Variants in RAI14 observed in about 807,000 individuals in gnomAD.
The protein encoded by RAI14 is ankycorbin.
Under a neutral mutation model 115.4 loss-of-function variants are expected in RAI14, and 45 were observed. The ratio of observed to expected loss-of-function variants is 0.39; its 90% confidence interval spans 0.31 to 0.50. The LOEUF (loss-of-function observed/expected upper bound fraction) is 0.50, where lower values mean the gene tolerates loss of function less well. Ranked by LOEUF, RAI14 falls within the 20% of genes least tolerant of loss-of-function variation. The pLI is 0.85. For missense variants in RAI14, 939 were observed against 1,131.2 expected (o/e 0.83, Z 2.44); for synonymous variants, 371 against 415.4 (o/e 0.89, Z 1.30).
intron 16 of RAI14, among the ~76,000 whole-genome samples, 171 bp from the exon 17 acceptor site, chr5:34,829,561 C>G (rs1434894997): frequency 1.3e-5 from 2 of 152,110 alleles, no homozygotes; most frequent in African/African-American, 4.8e-5. Flanking sequence ...GACAAGTATT[C>G]AGAAATACAC....
chr5:34,674,785 C>T (rs531259240), intron 1 of RAI14, among the ~76,000 whole-genome samples: 11 of 151,996 alleles, frequency 7.2e-5, no homozygotes, highest in African/African-American at 2.4e-4. Context: ...GACGGGGTTT[C>T]GCCATGTTGA....
intron 2 of RAI14, among the ~76,000 whole-genome samples, chr5:34,721,302 T>G (rs1742703398): frequency 1.1e-5 from 1 of 91,372 alleles, no homozygotes; most frequent in African/African-American, 3.3e-5. Context: ...TATATATATA[T>G]ATATATATAT....
intron 2 of RAI14, chr5:34,687,442 C>A: frequency 1.4e-6 from 1 of 728,606 alleles, no homozygotes; most frequent in Non-Finnish European, 1.9e-6. Context: ...CCTTTCCTCC[C>A]CCCGAATTCC....
intron 13 of RAI14, among the ~76,000 whole-genome samples, chr5:34,820,045 C>A (rs1756663638): frequency 2.0e-5 from 3 of 152,156 alleles, no homozygotes; most frequent in Admixed American, 2.0e-4. Flanking sequence ...GCTCCCAGTT[C>A]CCTAGTTCAT....
intron 3 of RAI14, among the ~76,000 whole-genome samples, chr5:34,759,435 A>G (rs1045546532): frequency 1.4e-4 from 21 of 152,164 alleles, no homozygotes; most frequent in Non-Finnish European, 8.8e-5. Flanking sequence ...GCCACTCCCC[A>G]TTGCTCGCAT....
At chr5:34,709,246 G>C (rs1741103015) in intron 2 of RAI14, among the ~76,000 whole-genome samples, 1 of 151,864 alleles carries the variant, frequency 6.6e-6, no homozygotes, top group South Asian at 2.1e-4. Context: ...CCAGGAGTTT[G>C]AGACCAGTCT....
chr5:34,799,493 G>A (rs13162585), intron 4 of RAI14, among the ~76,000 whole-genome samples: 1 of 124,044 alleles, frequency 8.1e-6, no homozygotes, highest in Admixed American at 9.1e-5. Flanking sequence ...CACACACACA[G>A]ACACACACAC....
intron 16 of RAI14, among the ~76,000 whole-genome samples, chr5:34,826,861 A>G (rs778519077): frequency 6.6e-6 from 1 of 152,126 alleles, no homozygotes; most frequent in Non-Finnish European, 1.5e-5. Flanking sequence ...TTGCATCTCT[A>G]TATATCTGAA....
chr5:34,749,555 C>T (rs1406913373), intron 2 of RAI14, among the ~76,000 whole-genome samples: 2 of 152,192 alleles, frequency 1.3e-5, no homozygotes, highest in Non-Finnish European at 1.5e-5. Flanking sequence ...ATGATGTTTG[C>T]TATTCTAGAT....
intron 1 of RAI14, among the ~76,000 whole-genome samples, chr5:34,679,499 C>G (rs112207369): frequency 1.2e-4 from 19 of 152,038 alleles, no homozygotes; most frequent in African/African-American, 4.6e-4. Context: ...AACACAGCAG[C>G]CCTGTTGATT....
At chr5:34,717,613 A>T (rs1274350037) in intron 2 of RAI14, among the ~76,000 whole-genome samples, 1 of 152,126 alleles carries the variant, frequency 6.6e-6, no homozygotes, top group Non-Finnish European at 1.5e-5. Context: ...CTCCTTAAGG[A>T]TGTGAATTCT....
intron 2 of RAI14, among the ~76,000 whole-genome samples, chr5:34,731,791 G>A (rs1744217649): frequency 6.6e-6 from 1 of 152,264 alleles, no homozygotes; most frequent in Non-Finnish European, 1.5e-5. Context: ...GAGGACAGTT[G>A]AAAACACTGT....
At chr5:34,744,102 A>G (rs562863951) in intron 2 of RAI14, among the ~76,000 whole-genome samples, 3 of 152,246 alleles carry the variant, frequency 2.0e-5, no homozygotes, top group South Asian at 2.1e-4. Context: ...GTGGCTGCTT[A>G]TGATGCTCAG....
chr5:34,805,642 C>A (rs1754794036), intron 5 of RAI14, among the ~76,000 whole-genome samples: 1 of 152,226 alleles, frequency 6.6e-6, no homozygotes, highest in African/African-American at 2.4e-5. Flanking sequence ...GAGTTCGTGA[C>A]CAGCCTGGCC....
rs57115550 is a variant in RAI14, at chr5:34,799,685, A to ATTTTTTTTTTTTTT, written c.256+3667_256+3680dup. Among the ~76,000 whole-genome samples the ATTTTTTTTTTTTTT allele has an allele frequency of 3.3e-4, 34 of 103,414 alleles. 1 individual carries two copies. The highest frequency in any genetic ancestry group is 1.3e-3 in the African/African-American group (33 of 25,346). 67.8% of individuals were successfully genotyped at this position (103,414 alleles called of 152,430 possible). A position where few individuals can be genotyped will look rare whatever the true frequency, so the allele number is the denominator to read the frequency against. On this transcript the variant is annotated intron_variant, in intron 4 of 17. Transcript: ENST00000265109. ...GTTATAGAAGCAAGAATCTGTTAGCATTTTTTTTTTTTTTTTTTTTTTGAC... is the reference window on the plus strand; with the variant it reads ...GTTATAGAAGCAAGAATCTGTTAGCATTTTTTTTTTTTTTTTTTTTTTTTTTTTTTTTTTTTGAC...
chr5:34,714,224 A>T (rs1373804051), intron 2 of RAI14, among the ~76,000 whole-genome samples: 1 of 151,904 alleles, frequency 6.6e-6, no homozygotes, highest in African/African-American at 2.4e-5. Context: ...CATATTTCTA[A>T]TTTTTTTCTG....
At chr5:34,826,626 A>T (rs1326099179) in intron 16 of RAI14, 147 bp downstream of exon 16, 1 of 1,102,992 alleles carries the variant, frequency 9.1e-7, no homozygotes, top group African/African-American at 1.6e-5. Context: ...TGATTTCTTC[A>T]GTGAGGGCAA....
At chr5:34,801,067 G>A (rs6886361) in intron 4 of RAI14, among the ~76,000 whole-genome samples, 42,846 of 152,050 alleles carry the variant, frequency 0.28, 6,427 homozygotes, top group Non-Finnish European at 0.34. Flanking sequence ...ACACAGTTAT[G>A]CTTCATACAC....
At chr5:34,731,145 C>G (rs759109652) in intron 2 of RAI14, among the ~76,000 whole-genome samples, 14 of 152,092 alleles carry the variant, frequency 9.2e-5, no homozygotes, top group South Asian at 2.1e-4. Context: ...GGAAATACAA[C>G]AAAATGCTCT....
Sources: gnomAD v4.1 joint callset for allele counts (sites outside exome capture counted in the v4.1 genomes callset) on GRCh38, gnomAD v4.1.1 for gene constraint, MANE v1.5 for transcripts, NCBI Gene and HGNC (gene_info 2026-07-23, HGNC 2026-07-21) for gene names.